MCTP2: variants seen among roughly 807,000 people sequenced by gnomAD.
MCTP2 encodes the protein multiple C2 and transmembrane domain containing 2, also known as multiple C2 and transmembrane domain-containing protein 2.
MCTP2 carries 132 observed loss-of-function variants against 111.6 expected under a neutral mutation model. The ratio of observed to expected loss-of-function variants is 1.18; its 90% CI spans 1.03 to 1.37. MCTP2 has a LOEUF of 1.37. Ranked by LOEUF, MCTP2 falls within the 40% of genes most tolerant of loss-of-function variation. MCTP2 has a pLI of 0.00. For missense variants in MCTP2, 1,183 were observed against 1,067.9 expected (o/e 1.11, Z -1.50); for synonymous variants, 395 against 387.7 (o/e 1.02, Z -0.22).
intron 17 of MCTP2, among the ~76,000 whole-genome samples, chr15:94,423,917 T>G (rs1214591815): frequency 6.6e-6 from 1 of 152,230 alleles, no homozygotes; most frequent in Non-Finnish European, 1.5e-5. Flanking sequence ...GTGAAACATC[T>G]GTGTACCTAC....
intron 22 of MCTP2, among the ~76,000 whole-genome samples, chr15:94,478,422 C>T (rs748588792): frequency 1.1e-4 from 17 of 152,188 alleles, no homozygotes; most frequent in Non-Finnish European, 1.9e-4. Flanking sequence ...CTCCCAAGTA[C>T]TCATATTTAT....
At chr15:94,415,678 C>T (rs916897878) in intron 17 of MCTP2, among the ~76,000 whole-genome samples, 2 of 151,504 alleles carry the variant, frequency 1.3e-5, no homozygotes, top group African/African-American at 4.9e-5. Context: ...TGAGATGTTT[C>T]CCCTGAATTA....
chr15:94,455,498 C>T (rs1210880172), intron 19 of MCTP2, among the ~76,000 whole-genome samples: 2 of 151,658 alleles, frequency 1.3e-5, no homozygotes, highest in African/African-American at 2.4e-5. Flanking sequence ...AGTGCAGTGG[C>T]GCCATCTGGG....
At chr15:94,386,524 G>A (rs1031198805) in intron 14 of MCTP2, among the ~76,000 whole-genome samples, 1 of 152,170 alleles carries the variant, frequency 6.6e-6, no homozygotes, top group African/African-American at 2.4e-5. Flanking sequence ...GATGTTACTC[G>A]GAGAGCCTGT....
At position 94,245,349 on chromosome 15, in the gene MCTP2, TAC is replaced by T. The variant is rs551950051; in HGVS notation, c.-66+13687_-66+13688del. ...ACATACATATGTGTAGATATTTACA[TAC>T]ATATGTATATATATTTACATACATA... On this transcript the variant is annotated intron_variant, in intron 1 of 22. Coordinates refer to ENST00000357742, the MANE Select transcript of MCTP2 (RefSeq NM_001385001.1). 7.5e-5 allele frequency among the ~76,000 whole-genome samples: 10 copies of T among 133,768 alleles called. No individual in the cohort carries two copies. In the East Asian group the frequency reaches 1.7e-3, roughly 23 times the overall value. 87.8% of individuals were successfully genotyped at this position (133,768 alleles called of 152,430 possible). A position where few individuals can be genotyped will look rare whatever the true frequency, so the allele number is the denominator to read the frequency against.
chr15:94,360,653 T>A (rs2078880818), intron 10 of MCTP2, among the ~76,000 whole-genome samples: 1 of 152,212 alleles, frequency 6.6e-6, no homozygotes, highest in Non-Finnish European at 1.5e-5. Context: ...TCATGCTTCC[T>A]TCACATAATA....
chr15:94,370,624 C>G (rs2079433375), intron 12 of MCTP2, among the ~76,000 whole-genome samples: 1 of 152,162 alleles, frequency 6.6e-6, no homozygotes, highest in African/African-American at 2.4e-5. Context: ...TGACCAGAGC[C>G]TAGGCCCTGG....
chr15:94,273,866 CA>C (rs2152302474), intron 1 of MCTP2: 1 of 229,758 alleles, frequency 4.4e-6, no homozygotes, highest in Admixed American at 4.3e-5. Context: ...TGTGGGCCTT[CA>C]CTTGAGCAAG....
Position 94,298,312 on chromosome 15 carries a change from C to G in MCTP2, c.47C>G (p.Thr16Ser), listed in dbSNP as rs777786839. 6.2e-7 allele frequency: 1 copy of G among 1,613,948 alleles called. No homozygotes were observed. The highest frequency in any genetic ancestry group is 8.5e-7 in the Non-Finnish European group (1 of 1,179,932). ...GTTTGGGGCTCATTAAAACAGCGGA[C>G]CAGGCCATTGTTGATCAACTTGAGC... ...PSVWGSLKQR[T>S]RPLLINLSKK... The change falls in exon 2 of 23, where the codon ACC becomes AGC. Residue 16 changes from threonine to serine, a missense_variant. Thr to Ser is a moderately conservative substitution (Grantham distance 58). Coordinates refer to ENST00000357742, the MANE Select transcript of MCTP2 (RefSeq NM_001385001.1).
intron 2 of MCTP2, among the ~76,000 whole-genome samples, chr15:94,310,730 T>C (rs1010874055): frequency 6.6e-6 from 1 of 150,722 alleles, no homozygotes; most frequent in Non-Finnish European, 1.5e-5. Flanking sequence ...TATATAATAC[T>C]ACAACATATA....
chr15:94,351,429 C>T (rs1413477650), intron 8 of MCTP2, among the ~76,000 whole-genome samples: 1 of 152,142 alleles, frequency 6.6e-6, no homozygotes, highest in East Asian at 1.9e-4. Flanking sequence ...TCAATGTTTT[C>T]TCTTTAGTTT....
chr15:94,390,735 T>C (rs1265705393), intron 14 of MCTP2, among the ~76,000 whole-genome samples: 4 of 145,506 alleles, frequency 2.7e-5, no homozygotes, highest in East Asian at 3.9e-4. Context: ...CTTTTTTTTT[T>C]TTTTTTTTTT....
At chr15:94,428,460 C>A (rs1264261054) in intron 17 of MCTP2, among the ~76,000 whole-genome samples, 1 of 152,062 alleles carries the variant, frequency 6.6e-6, no homozygotes, top group African/African-American at 2.4e-5. Context: ...TCTACTATGA[C>A]AGTTTTAGAT....
At chr15:94,420,339 G>A (rs1276100717) in intron 17 of MCTP2, among the ~76,000 whole-genome samples, 2 of 152,086 alleles carry the variant, frequency 1.3e-5, no homozygotes, top group African/African-American at 2.4e-5. Context: ...TTCTGTAGCT[G>A]ATGGATCAAG....
rs145824496 is a variant in MCTP2, at chr15:94,407,192, T to C, written c.2085+5173T>C. The stretch of plus-strand genomic sequence containing the variant: ...TATTAAAAGTCCTAAAGTTATATTA[T>C]TATATAAATGCATTTTTCATATGTT... On this transcript the variant is annotated intron_variant, in intron 17 of 22. Transcript: ENST00000357742. Among the ~76,000 whole-genome samples, 1,158 of 152,334 alleles carry C rather than the reference T, an allele frequency of 7.6e-3. 14 individuals carry two copies. The highest frequency in any genetic ancestry group is 0.026 in the African/African-American group (1,092 of 41,580).
At chr15:94,458,777 A>T (rs1372025821) in intron 20 of MCTP2, among the ~76,000 whole-genome samples, 1 of 152,224 alleles carries the variant, frequency 6.6e-6, no homozygotes, top group Non-Finnish European at 1.5e-5. Context: ...GAAAGTTGAC[A>T]ATATTTTCAG....
At position 94,476,720 on chromosome 15, in the gene MCTP2, T is replaced by C; in HGVS notation, c.2495T>C (p.Leu832Pro). ...IWGINKFTKK[L>P]RNPYSIDNNE... is the part of the protein sequence containing the mutation. ...GGCATAAATAAATTTACTAAGAAGC[T>C]TCGAAATCCCTATTCCATCGACAAT... Residue 832 changes from leucine to proline, a missense_variant, in exon 22 of 23, where the codon CTT becomes CCT. Physicochemically the swap from Leu to Pro is moderately conservative, Grantham distance 98 (BLOSUM62 -3). Coordinates refer to ENST00000357742, the MANE Select transcript of MCTP2 (RefSeq NM_001385001.1). 6.2e-7 allele frequency: 1 copy of C among 1,603,210 alleles called. No individual in the cohort carries two copies. Among genetic ancestry groups the C allele is most frequent in the African/African-American group, 1.3e-5 (1 of 74,710 alleles).
At chr15:94,351,303 G>C (rs1163864901) in intron 8 of MCTP2, among the ~76,000 whole-genome samples, 2 of 152,184 alleles carry the variant, frequency 1.3e-5, no homozygotes, top group African/African-American at 4.8e-5. Flanking sequence ...CTGGGAGCCT[G>C]TTCCATGGAT....
At chr15:94,305,484 G>GACACACATAC (rs1567374352) in intron 2 of MCTP2, among the ~76,000 whole-genome samples, 1 of 150,738 alleles carries the variant, frequency 6.6e-6, no homozygotes. Flanking sequence ...CACACATGCG[G>GACACACATAC]ATATATATAT....
Sources: allele counts gnomAD v4.1 joint callset (sites outside exome capture counted in the v4.1 genomes callset), GRCh38; gene constraint gnomAD v4.1.1; transcripts MANE v1.5; gene names NCBI Gene and HGNC (gene_info 2026-07-23, HGNC 2026-07-21).